The following FDX1 variants were observed in gnomAD, a reference collection of about 807,000 sequenced individuals.
FDX1 encodes the protein ferredoxin 1, also known as adrenodoxin, mitochondrial.
FDX1 carries 9 observed loss-of-function variants against 14.9 expected under a neutral mutation model. The ratio of observed to expected loss-of-function variants is 0.60; its 90% CI spans 0.36 to 1.05. The LOEUF (loss-of-function observed/expected upper bound fraction) is 1.05, where lower values mean the gene tolerates loss of function less well. FDX1 is among the 50% of genes least tolerant of loss of function. FDX1 has a pLI of 0.01. For missense variants in FDX1, 204 were observed against 237.2 expected (o/e 0.86, Z 0.92); for synonymous variants, 92 against 99.4 (o/e 0.93, Z 0.44).
intron 1 of FDX1, among the ~76,000 whole-genome samples, chr11:110,432,594 G>A (rs562475959): frequency 2.0e-5 from 3 of 151,962 alleles, no homozygotes; most frequent in Non-Finnish European, 2.9e-5. Context: ...TCAGCCACCC[G>A]AATATCTGGG....
rs185556507 is a variant in FDX1 at position 110,443,998 on chromosome 11, C to T, written c.310+8040C>T. 4.7e-4 allele frequency among the ~76,000 whole-genome samples: 72 copies of T among 151,962 alleles called. 2 individuals carry two copies. The Middle Eastern group carries it at 0.017, about 36-fold the overall frequency. ...GATGCATAGTTGGTGAATATTTTCTCCCACTCTGTAGGTTGTCTGTTTACT... is the reference window on the plus strand; with the variant it reads ...GATGCATAGTTGGTGAATATTTTCTTCCACTCTGTAGGTTGTCTGTTTACT... On this transcript the variant is annotated intron_variant, in intron 2 of 3. Coordinates refer to ENST00000260270, the MANE Select transcript of FDX1 (RefSeq NM_004109.5).
In FDX1 at chr11:110,449,437, G is replaced by A. The variant is rs77069529; in HGVS notation, c.311-7481G>A. On this transcript the variant is annotated intron_variant, in intron 2 of 3. Transcript: ENST00000260270. ...GACAGATCATAATTGTATTTATGGG[G>A]TAGGTACAGTGTGATGTTTTGATAC... 5.2e-3 allele frequency among the ~76,000 whole-genome samples: 795 copies of A among 152,220 alleles called. 1 individual carries two copies. The highest frequency in any genetic ancestry group is 6.6e-3 in the Non-Finnish European group (450 of 67,996).
At position 110,463,694 on chromosome 11, in the gene FDX1, GGGGACACAGA is replaced by G. The variant is rs1423970851; in HGVS notation, c.*1229_*1238del. 1.3e-5 allele frequency: 2 copies of G among 152,048 alleles called. No individual in the cohort carries two copies. 9.4% of individuals were successfully genotyped at this position (152,048 alleles called of 1,614,324 possible). On this transcript the variant is annotated 3_prime_UTR_variant, in exon 4 of 4. Coordinates refer to ENST00000260270, the MANE Select transcript of FDX1 (RefSeq NM_004109.5). ...CATACAGCATTGTGTTATGCCCATT[GGGGACACAGA>G]GGTGAACAAGACAAGGAATGCCATC...
rs545290208 is a variant in FDX1, at chr11:110,430,282, C to T, written c.162C>T (p.Ser54=). 8.3e-6 allele frequency: 10 copies of T among 1,200,170 alleles called. No individual in the cohort carries two copies. The South Asian group carries it at 2.1e-4, about 25-fold the overall frequency. The allele number at this position is 1,200,170 out of a possible 1,614,324, so 74.3% of individuals were successfully genotyped here. A position where few individuals can be genotyped will look rare whatever the true frequency, so the allele number is the denominator to read the frequency against. ...GGSAEASRSL[S]VSARARSSSE... The stretch of plus-strand genomic sequence containing the variant: ...GCGCGGAGGCGAGCCGGTCGCTGAG[C>T]GTGTCGGCGCGGGCCCGGAGCAGGT... The change falls in exon 1 of 4, where the codon AGC becomes AGT. Residue 54 remains serine, a synonymous_variant. Transcript: ENST00000260270.
At position 110,463,313 on chromosome 11, in the gene FDX1, G is replaced by A. The variant is rs955037518; in HGVS notation, c.*845G>A. 8 of 152,260 alleles carry A rather than the reference G, an allele frequency of 5.3e-5. No homozygotes were observed. Among genetic ancestry groups the A allele is most frequent in the Admixed American group, 5.2e-4 (8 of 15,288 alleles). 9.4% of individuals were successfully genotyped at this position (152,260 alleles called of 1,614,324 possible). The stretch of plus-strand genomic sequence containing the variant: ...GAGAAGGGAATGAGCAGGCTGACAC[G>A]TTGCACAGCCCCAGGTGGCGCCATT... On this transcript the variant is annotated 3_prime_UTR_variant, in exon 4 of 4. Coordinates refer to ENST00000260270, the MANE Select transcript of FDX1 (RefSeq NM_004109.5).
chr11:110,430,042 G>C lies in FDX1; in HGVS notation c.-79G>C. The C allele has an allele frequency of 9.4e-7, 1 of 1,066,568 alleles. No homozygotes were observed. Among genetic ancestry groups the C allele is most frequent in the Non-Finnish European group, 1.2e-6 (1 of 846,458 alleles). The allele number at this position is 1,066,568 out of a possible 1,614,324, so 66.1% of individuals were successfully genotyped here. On this transcript the variant is annotated 5_prime_UTR_variant, in exon 1 of 4. Coordinates refer to ENST00000260270, the MANE Select transcript of FDX1 (RefSeq NM_004109.5). ...GCCCTCGGGCGTCTGCGCCGCAGCT[G>C]CCGCCCCCGCCTCTTTGGAGTCTCT...
chr11:110,460,176 T>A (rs11213412), intron 3 of FDX1, among the ~76,000 whole-genome samples: 26,138 of 152,222 alleles, frequency 0.17, 2,341 homozygotes, highest in East Asian at 0.27. Flanking sequence ...TTGTGAAGGC[T>A]GTTTCCAATT....
chr11:110,456,294 A>G (rs1202604647), intron 2 of FDX1, among the ~76,000 whole-genome samples: 1 of 152,170 alleles, frequency 6.6e-6, no homozygotes, highest in Non-Finnish European at 1.5e-5. Context: ...ACAAATTTTT[A>G]TATGTATGCA....
intron 1 of FDX1, 56 bp downstream of exon 1, chr11:110,430,361 C>T (rs902833409): frequency 1.2e-4 from 130 of 1,116,112 alleles, no homozygotes; most frequent in Non-Finnish European, 1.3e-4. Context: ...CGGTGGGTGG[C>T]GCCTGGCTCT....
At chr11:110,436,817 T>C (rs562585114) in intron 2 of FDX1, among the ~76,000 whole-genome samples, 5 of 152,224 alleles carry the variant, frequency 3.3e-5, no homozygotes, top group African/African-American at 9.6e-5. Flanking sequence ...TGTTTTCCCA[T>C]GATATATTAA....
At chr11:110,459,651 G>A (rs1488767026) in intron 3 of FDX1, among the ~76,000 whole-genome samples, 1 of 152,206 alleles carries the variant, frequency 6.6e-6, no homozygotes, top group Non-Finnish European at 1.5e-5. Context: ...TCAGGGATAT[G>A]TGGCAAGAGT....
chr11:110,459,012 A>G (rs1470974858), intron 3 of FDX1, among the ~76,000 whole-genome samples: 2 of 152,020 alleles, frequency 1.3e-5, no homozygotes. Flanking sequence ...CCCTTTTCCC[A>G]TTAAAGGAGC....
At chr11:110,432,841 G>A (rs188205104) in intron 1 of FDX1, among the ~76,000 whole-genome samples, 6 of 152,032 alleles carry the variant, frequency 3.9e-5, no homozygotes, top group South Asian at 2.1e-4. Flanking sequence ...TTTCGTTTCC[G>A]CCTCCTCTCC....
intron 1 of FDX1, 50 bp from the exon 2 acceptor site, chr11:110,435,784 A>G: frequency 6.9e-7 from 1 of 1,444,386 alleles, no homozygotes; most frequent in South Asian, 1.3e-5. Context: ...ATTATTTTAA[A>G]TTATGTTTTG....
intron 3 of FDX1, among the ~76,000 whole-genome samples, chr11:110,459,315 G>A (rs897599058): frequency 7.9e-5 from 12 of 152,198 alleles, no homozygotes; most frequent in Admixed American, 2.6e-4. Context: ...GGTGGAGAAA[G>A]CATTCATTAA....
At chr11:110,446,461 C>T (rs1315980295) in intron 2 of FDX1, among the ~76,000 whole-genome samples, 1 of 152,192 alleles carries the variant, frequency 6.6e-6, no homozygotes, top group East Asian at 1.9e-4. Flanking sequence ...AATTTACATC[C>T]TTAGCTCAGA....
intron 2 of FDX1, among the ~76,000 whole-genome samples, chr11:110,451,648 G>T (rs539036386): frequency 1.6e-4 from 24 of 152,306 alleles, no homozygotes; most frequent in African/African-American, 5.8e-4. Flanking sequence ...TATGTTCATT[G>T]TAGCACTATT....
In FDX1 at chr11:110,453,875, G is replaced by A. The variant is rs118048723; in HGVS notation, c.311-3043G>A. Among the ~76,000 whole-genome samples the A allele has an allele frequency of 8.5e-3, 1,289 of 152,216 alleles. 5 individuals are homozygous for A. The highest frequency in any genetic ancestry group is 0.015 in the Non-Finnish European group (995 of 68,008). On this transcript the variant is annotated intron_variant, in intron 2 of 3. Coordinates refer to ENST00000260270, the MANE Select transcript of FDX1 (RefSeq NM_004109.5). ...ACAGTCTGACCGTTAGCTTTCTCTG[G>A]TTTAGTGTTAGCTCTCTCACATAGG...
At chr11:110,456,804 C>T (rs182297491) in intron 2 of FDX1, 114 bp from the exon 3 acceptor site, 29 of 1,147,672 alleles carry the variant, frequency 2.5e-5, no homozygotes, top group East Asian at 8.0e-5. Context: ...CCACTGTGCC[C>T]GGCCTCACTT....
Sources: allele counts gnomAD v4.1 joint callset (sites outside exome capture counted in the v4.1 genomes callset), GRCh38; gene constraint gnomAD v4.1.1; transcripts MANE v1.5; gene names NCBI Gene and HGNC (gene_info 2026-07-23, HGNC 2026-07-21).